The following GAB1 variants were observed in gnomAD, a reference collection of about 807,000 sequenced individuals.
GAB1 encodes GRB2-associated-binding protein 1.
A neutral mutation model predicts 66.5 loss-of-function variants in GAB1; 19 were observed. The ratio of observed to expected loss-of-function variants is 0.29; its 90% confidence interval spans 0.20 to 0.42. The LOEUF (loss-of-function observed/expected upper bound fraction) is 0.42. Among genes scored for constraint, GAB1 ranks in the 10% least tolerant of loss-of-function variants. The probability of loss-of-function intolerance (pLI) is 1.00; values close to 1 mark genes in which losing one functional copy is unlikely to be tolerated. For synonymous variants in GAB1, 294 were observed against 301.4 expected, an observed-to-expected ratio of 0.98 and a Z score of 0.25; for missense variants, 732 against 858.5, an observed-to-expected ratio of 0.85 and a Z score of 1.84.
chr4:143,448,169 A>G (rs1185159077), intron 6 of GAB1, among the ~76,000 whole-genome samples: 1 of 151,706 alleles, frequency 6.6e-6, no homozygotes, highest in African/African-American at 2.4e-5. Flanking sequence ...AAGCTTTTTG[A>G]TGTGCTGCTG....
intron 1 of GAB1, among the ~76,000 whole-genome samples, chr4:143,370,722 CG>C (rs1169923014): frequency 3.3e-5 from 5 of 152,122 alleles, no homozygotes; most frequent in African/African-American, 1.2e-4. Flanking sequence ...CAACAGGCCC[CG>C]GGGTGTGATG....
chr4:143,458,832 GT>G (rs201128149), intron 6 of GAB1, among the ~76,000 whole-genome samples: 1 of 151,710 alleles, frequency 6.6e-6, no homozygotes, highest in East Asian at 1.9e-4. Context: ...ATATTGTTTC[GT>G]TTTGTTTGTT....
chr4:143,406,014 C>T (rs1732023981), intron 1 of GAB1, among the ~76,000 whole-genome samples: 1 of 152,000 alleles, frequency 6.6e-6, no homozygotes. Context: ...GTGTAAGACT[C>T]CTGTATGGTG....
intron 1 of GAB1, among the ~76,000 whole-genome samples, chr4:143,409,981 C>G (rs1311126370): frequency 6.6e-6 from 1 of 151,696 alleles, no homozygotes; most frequent in Non-Finnish European, 1.5e-5. Flanking sequence ...GTGTTTAAAC[C>G]TGCCTATTCC....
intron 6 of GAB1, among the ~76,000 whole-genome samples, chr4:143,458,384 A>T (rs1284371195): frequency 6.6e-6 from 1 of 152,122 alleles, no homozygotes; most frequent in Non-Finnish European, 1.5e-5. Flanking sequence ...TAAAATGACC[A>T]TTCATTTTAT....
intron 2 of GAB1, among the ~76,000 whole-genome samples, chr4:143,416,832 C>A (rs1732718114): frequency 3.3e-5 from 5 of 152,162 alleles, no homozygotes; most frequent in Admixed American, 2.6e-4. Context: ...GAACGCTAAG[C>A]ATGTGGGAGT....
In GAB1 at chr4:143,353,684, AAGAG is replaced by A. The variant is rs965503718; in HGVS notation, c.72+16432_72+16435del. Among the ~76,000 whole-genome samples the A allele has an allele frequency of 1.2e-4, 19 of 152,004 alleles. No homozygotes were observed. The East Asian group carries it at 2.1e-3, about 17-fold the overall frequency. On this transcript the variant is annotated intron_variant, in intron 1 of 9. Coordinates refer to ENST00000262994, the MANE Select transcript of GAB1 (RefSeq NM_002039.4). ...AGAGAGATCCTGACCAAAAAAAAAA[AAGAG>A]AGAGAGAATTTTGGAAGTTACTTAT...
chr4:143,447,288 G>C (rs1015060304), intron 6 of GAB1, among the ~76,000 whole-genome samples: 8 of 151,998 alleles, frequency 5.3e-5, no homozygotes, highest in Non-Finnish European at 1.0e-4. Context: ...GCTCTTTTTT[G>C]GTTCTATATG....
chr4:143,380,308 AG>A (rs1259824763), intron 1 of GAB1, among the ~76,000 whole-genome samples: 3 of 152,082 alleles, frequency 2.0e-5, no homozygotes, highest in Admixed American at 2.0e-4. Flanking sequence ...TTCTTAGCCA[AG>A]CTATAAAATC....
intron 1 of GAB1, chr4:143,349,953 G>A: frequency 1.3e-6 from 2 of 1,595,256 alleles, no homozygotes; most frequent in Middle Eastern, 1.8e-4. Flanking sequence ...CCTTGACCAA[G>A]CGGCCCAACT....
intron 1 of GAB1, among the ~76,000 whole-genome samples, chr4:143,405,132 G>A (rs956086128): frequency 5.3e-5 from 8 of 152,074 alleles, no homozygotes; most frequent in African/African-American, 1.9e-4. Flanking sequence ...CATAGCATAT[G>A]CCATTTTGTT....
At chr4:143,348,747 G>A (rs1281400128) in intron 1 of GAB1, among the ~76,000 whole-genome samples, 1 of 152,102 alleles carries the variant, frequency 6.6e-6, no homozygotes, top group Non-Finnish European at 1.5e-5. Context: ...GGCTTGCATG[G>A]CCCTTTATGT....
intron 6 of GAB1, among the ~76,000 whole-genome samples, chr4:143,448,220 A>G (rs1734677685): frequency 6.6e-6 from 1 of 151,932 alleles, no homozygotes; most frequent in African/African-American, 2.4e-5. Flanking sequence ...TTTTGCATCA[A>G]TGTTCATCAA....
intron 1 of GAB1, among the ~76,000 whole-genome samples, chr4:143,378,232 G>C (rs557854564): frequency 2.2e-4 from 34 of 152,294 alleles, no homozygotes; most frequent in Non-Finnish European, 4.1e-4. Context: ...AGACTTGGTG[G>C]TGTGGTAGAA....
At chr4:143,359,963 A>G (rs1419162573) in intron 1 of GAB1, among the ~76,000 whole-genome samples, 1 of 152,232 alleles carries the variant, frequency 6.6e-6, no homozygotes, top group Non-Finnish European at 1.5e-5. Flanking sequence ...TGTTAGTTCA[A>G]AATACCCAAA....
intron 1 of GAB1, among the ~76,000 whole-genome samples, chr4:143,339,911 G>A (rs1728772453): frequency 6.6e-6 from 1 of 152,170 alleles, no homozygotes. Flanking sequence ...GTGTAGCACT[G>A]GTGTTTTCTT....
chr4:143,397,149 A>G (rs1731492828), intron 1 of GAB1, among the ~76,000 whole-genome samples: 1 of 152,212 alleles, frequency 6.6e-6, no homozygotes. Flanking sequence ...AGCTTGGTGG[A>G]CCAGTAGTGA....
At chr4:143,415,440 A>G (rs922128509) in intron 1 of GAB1, 37 bp from the exon 2 acceptor site, 2 of 1,493,880 alleles carry the variant, frequency 1.3e-6, no homozygotes, top group African/African-American at 2.8e-5. Flanking sequence ...CATTATCTCA[A>G]GTTAATACTG....
At chr4:143,426,997 A>G (rs1733393071) in intron 2 of GAB1, among the ~76,000 whole-genome samples, 1 of 152,202 alleles carries the variant, frequency 6.6e-6, no homozygotes. Flanking sequence ...GGCTCTTGTC[A>G]CAAGACCAGG....
Sources: gnomAD v4.1 joint callset for allele counts (sites outside exome capture counted in the v4.1 genomes callset) on GRCh38, gnomAD v4.1.1 for gene constraint, MANE v1.5 for transcripts, NCBI Gene and HGNC (gene_info 2026-07-23, HGNC 2026-07-21) for gene names.